The following TRPM3 variants were observed in gnomAD, a reference collection of about 807,000 sequenced individuals.
TRPM3 encodes the protein transient receptor potential cation channel subfamily M member 3.
A neutral mutation model predicts 181.2 loss-of-function variants in TRPM3; 77 were observed. The ratio of observed to expected loss-of-function variants is 0.42; its 90% CI spans 0.35 to 0.51. The LOEUF is 0.51. Ranked by LOEUF, TRPM3 falls within the 20% of genes least tolerant of loss-of-function variation. TRPM3 has a pLI of 0.01. For synonymous variants in TRPM3, 745 were observed against 796.4 expected (o/e 0.94, Z 1.09); for missense variants, 1,759 against 2,196.7 (o/e 0.80, Z 3.98).
intron 8 of TRPM3, among the ~76,000 whole-genome samples, chr9:70,757,907 T>G (rs1211756069): frequency 6.6e-6 from 1 of 152,204 alleles, no homozygotes; most frequent in Non-Finnish European, 1.5e-5. Flanking sequence ...GCATTCCCTT[T>G]GAGAACTGGC....
At chr9:70,839,261 G>T (rs1252039961) in intron 5 of TRPM3, among the ~76,000 whole-genome samples, 1 of 152,128 alleles carries the variant, frequency 6.6e-6, no homozygotes, top group Non-Finnish European at 1.5e-5. Context: ...TAAGTGTGAG[G>T]CTCTAAGTTG....
intron 20 of TRPM3, 63 bp downstream of exon 20, chr9:70,603,279 C>T (rs577389411): frequency 3.2e-6 from 5 of 1,563,424 alleles, no homozygotes; most frequent in African/African-American, 2.7e-5. Context: ...CCTGTCCCCT[C>T]CATCCACAGA....
intron 1 of TRPM3, among the ~76,000 whole-genome samples, chr9:71,425,288 T>C (rs1243851305): frequency 6.6e-6 from 1 of 152,188 alleles, no homozygotes; most frequent in African/African-American, 2.4e-5. Flanking sequence ...TTTTGGGTTC[T>C]AGTCACATGT....
intron 25 of TRPM3, among the ~76,000 whole-genome samples, chr9:70,541,659 G>A (rs1193024053): frequency 6.6e-6 from 1 of 152,058 alleles, no homozygotes; most frequent in East Asian, 1.9e-4. Flanking sequence ...TTAAAGGCAT[G>A]CATCACCATG....
chr9:71,281,740 A>G (rs1465847275), intron 1 of TRPM3, among the ~76,000 whole-genome samples: 1 of 152,212 alleles, frequency 6.6e-6, no homozygotes, highest in African/African-American at 2.4e-5. Context: ...GTACATTAAC[A>G]TCCTCAACAA....
intron 1 of TRPM3, among the ~76,000 whole-genome samples, chr9:71,167,983 A>T (rs1458094153): frequency 6.6e-6 from 1 of 152,206 alleles, no homozygotes; most frequent in Non-Finnish European, 1.5e-5. Context: ...GAATCTAAAA[A>T]TAAGTGCACT....
intron 1 of TRPM3, among the ~76,000 whole-genome samples, chr9:71,049,133 T>C (rs2059785947): frequency 6.6e-6 from 1 of 152,172 alleles, no homozygotes; most frequent in Admixed American, 6.5e-5. Flanking sequence ...TGCTACTCTA[T>C]CATCTTAGGT....
intron 22 of TRPM3, among the ~76,000 whole-genome samples, chr9:70,589,115 C>A (rs958639713): frequency 1.3e-5 from 2 of 152,234 alleles, no homozygotes; most frequent in African/African-American, 2.4e-5. Flanking sequence ...ACACGTAGAG[C>A]TCCACAGATC....
intron 22 of TRPM3, among the ~76,000 whole-genome samples, chr9:70,572,727 C>T (rs1436588771): frequency 1.3e-5 from 2 of 152,014 alleles, no homozygotes; most frequent in Non-Finnish European, 2.9e-5. Flanking sequence ...AGTGAGTAAA[C>T]AATACTAAGA....
chr9:71,177,126 G>C (rs137984109), intron 1 of TRPM3, among the ~76,000 whole-genome samples: 1 of 152,082 alleles, frequency 6.6e-6, no homozygotes, highest in Non-Finnish European at 1.5e-5. Context: ...CTGTGCATGC[G>C]AGGGATCTAG....
rs367813264 is a variant in TRPM3 at position 71,156,855 on chromosome 9, A to G, written c.183+289798T>C. On this transcript the variant is annotated intron_variant, in intron 1 of 24. Coordinates refer to the TRPM3 transcript ENST00000357533. ...CATTCCAAATTGGTTTGCAAAGGAA[A>G]ATGAAGATAGCTTGATGTGGCAGTG... 3.3e-5 allele frequency among the ~76,000 whole-genome samples: 5 copies of G among 152,158 alleles called. No individual in the cohort carries two copies. In the South Asian group the frequency reaches 6.3e-4, roughly 19 times the overall value.
At chr9:71,294,226 A>G (rs184573885) in intron 1 of TRPM3, among the ~76,000 whole-genome samples, 210 of 152,144 alleles carry the variant, frequency 1.4e-3, no homozygotes, top group African/African-American at 4.8e-3. Flanking sequence ...TATTTGCTGT[A>G]TATATAACAA....
chr9:70,741,585 A>C (rs2074103542), intron 8 of TRPM3, among the ~76,000 whole-genome samples: 2 of 152,166 alleles, frequency 1.3e-5, no homozygotes, highest in South Asian at 4.1e-4. Context: ...TCCATCAATC[A>C]ACAAGTGGAC....
chr9:70,913,335 G>T (rs2096557630), intron 1 of TRPM3, among the ~76,000 whole-genome samples: 1 of 152,114 alleles, frequency 6.6e-6, no homozygotes, highest in African/African-American at 2.4e-5. Context: ...GTCCCTGGGG[G>T]TCAAAAATCA....
At chr9:71,371,270 C>G (rs761984445) in intron 1 of TRPM3, among the ~76,000 whole-genome samples, 14 of 152,108 alleles carry the variant, frequency 9.2e-5, no homozygotes, top group Non-Finnish European at 1.8e-4. Context: ...CGATAACTGC[C>G]ACAGATTGTG....
intron 6 of TRPM3, among the ~76,000 whole-genome samples, chr9:70,806,594 G>A (rs2090738435): frequency 6.6e-6 from 1 of 152,088 alleles, no homozygotes; most frequent in Non-Finnish European, 1.5e-5. Context: ...GGAGGCTGAG[G>A]CAGAAGAATC....
At chr9:71,208,604 G>C (rs2079275431) in intron 1 of TRPM3, among the ~76,000 whole-genome samples, 1 of 152,092 alleles carries the variant, frequency 6.6e-6, no homozygotes. Flanking sequence ...TTAGATCTTT[G>C]AAGTCAATCA....
At chr9:71,400,938 C>G (rs2093328306) in intron 1 of TRPM3, among the ~76,000 whole-genome samples, 1 of 152,064 alleles carries the variant, frequency 6.6e-6, no homozygotes, top group Non-Finnish European at 1.5e-5. Flanking sequence ...TGGCTCATGC[C>G]TGTAATCCCA....
intron 1 of TRPM3, among the ~76,000 whole-genome samples, chr9:71,282,874 T>G (rs993567851): frequency 6.6e-6 from 1 of 152,080 alleles, no homozygotes; most frequent in African/African-American, 2.4e-5. Flanking sequence ...CCAGCTACCT[T>G]GAACTTGTAA....
Sources: allele counts gnomAD v4.1 joint callset (sites outside exome capture counted in the v4.1 genomes callset), GRCh38; gene constraint gnomAD v4.1.1; transcripts MANE v1.5; gene names NCBI Gene and HGNC (gene_info 2026-07-23, HGNC 2026-07-21).